SHANK2: variants seen among roughly 807,000 people sequenced by gnomAD.
SHANK2 encodes the protein SH3 and multiple ankyrin repeat domains protein 2.
A neutral mutation model predicts 133.7 loss-of-function variants in SHANK2; 43 were observed. The observed-to-expected ratio is 0.32, with a 90% CI of 0.25 to 0.41. SHANK2 has a LOEUF of 0.41. SHANK2 is among the 10% of genes least tolerant of loss of function. The probability of loss-of-function intolerance (pLI) is 1.00; values close to 1 mark genes in which losing one functional copy is unlikely to be tolerated. For synonymous variants in SHANK2, 1,017 were observed against 952.8 expected (o/e 1.07, Z -1.24); for missense variants, 1,994 against 2,235.8 (o/e 0.89, Z 2.18).
At chr11:71,163,867 A>T (rs1953081671) in intron 2 of SHANK2, among the ~76,000 whole-genome samples, 1 of 152,188 alleles carries the variant, frequency 6.6e-6, no homozygotes, top group African/African-American at 2.4e-5. Context: ...AAATATCTAT[A>T]CATGCGTGCT....
At chr11:71,110,395 G>A (rs771730160) in intron 5 of SHANK2, among the ~76,000 whole-genome samples, 3 of 152,124 alleles carry the variant, frequency 2.0e-5, no homozygotes, top group Non-Finnish European at 2.9e-5. Context: ...CCGAGATCGC[G>A]CCACTGCACT....
chr11:70,834,961 T>A (rs1325135122), intron 11 of SHANK2, among the ~76,000 whole-genome samples: 1 of 152,084 alleles, frequency 6.6e-6, no homozygotes, highest in African/African-American at 2.4e-5. Flanking sequence ...GACCCTGAAT[T>A]GAGCTTTAGG....
At chr11:70,814,038 G>A (rs1948334370) in intron 12 of SHANK2, among the ~76,000 whole-genome samples, 1 of 152,176 alleles carries the variant, frequency 6.6e-6, no homozygotes, top group African/African-American at 2.4e-5. Flanking sequence ...ACAGGTGAAA[G>A]TCAGGCTGGG....
intron 11 of SHANK2, among the ~76,000 whole-genome samples, chr11:70,889,269 TG>T (rs1436242539): frequency 6.6e-6 from 1 of 152,068 alleles, no homozygotes; most frequent in African/African-American, 2.4e-5. Context: ...AGGCGGAGGC[TG>T]GGGTGATGCA....
chr11:70,613,304 T>C (rs2060688285), intron 17 of SHANK2, among the ~76,000 whole-genome samples: 1 of 151,940 alleles, frequency 6.6e-6, no homozygotes, highest in African/African-American at 2.4e-5. Flanking sequence ...CCCAGGTTCA[T>C]GCCATTCTCC....
chr11:71,240,370 T>C (rs1954873469), intron 1 of SHANK2, among the ~76,000 whole-genome samples: 1 of 152,060 alleles, frequency 6.6e-6, no homozygotes, highest in African/African-American at 2.4e-5. Context: ...CAAGCTGTCC[T>C]AGTCCATCTT....
intron 3 of SHANK2, among the ~76,000 whole-genome samples, chr11:71,120,462 G>A (rs181713631): frequency 1.3e-4 from 20 of 152,294 alleles, no homozygotes; most frequent in African/African-American, 4.6e-4. Context: ...AAGACAGCCC[G>A]AGGGTAAGTT....
At chr11:70,867,232 A>G (rs1279606270) in intron 11 of SHANK2, among the ~76,000 whole-genome samples, 1 of 151,950 alleles carries the variant, frequency 6.6e-6, no homozygotes, top group Non-Finnish European at 1.5e-5. Flanking sequence ...GCTGTCTCCT[A>G]TCCGGGTAGG....
chr11:71,149,832 G>A (rs1290385602), intron 2 of SHANK2, among the ~76,000 whole-genome samples: 1 of 131,100 alleles, frequency 7.6e-6, no homozygotes, highest in African/African-American at 3.0e-5. Flanking sequence ...GGAAAGAAGG[G>A]AGGGAAGGAG....
chr11:71,173,981 G>A (rs557115564), intron 2 of SHANK2, among the ~76,000 whole-genome samples: 34 of 152,338 alleles, frequency 2.2e-4, no homozygotes, highest in African/African-American at 6.7e-4. Flanking sequence ...AGAACTGTGG[G>A]AGTAAGTTTC....
chr11:70,933,052 G>A, intron 10 of SHANK2: 1 of 446,804 alleles, frequency 2.2e-6, no homozygotes, highest in Non-Finnish European at 4.5e-6. Flanking sequence ...ACTCCAACAG[G>A]TATTTGCACA....
chr11:71,163,955 T>C (rs1471130679), intron 2 of SHANK2, among the ~76,000 whole-genome samples: 8 of 152,244 alleles, frequency 5.3e-5, no homozygotes, highest in African/African-American at 1.4e-4. Flanking sequence ...CAGCTGATAG[T>C]ACAGAGAGTT....
Position 70,480,027 on chromosome 11 carries a change from G to A in SHANK2, c.4979+5287C>T, listed in dbSNP as rs139825824. Among the ~76,000 whole-genome samples the A allele has an allele frequency of 2.2e-4, 33 of 152,282 alleles. No individual in the cohort carries two copies. In the East Asian group the frequency reaches 6.2e-3, roughly 29 times the overall value. ...CATTCACCTGATCACACAGCTGCCT[G>A]GGCCATCTTCAGGAAACAAAGTCTG... is the stretch of plus-strand genomic sequence containing the variant. On this transcript the variant is annotated intron_variant, in intron 25 of 25. Coordinates refer to ENST00000601538, the MANE Select transcript of SHANK2 (RefSeq NM_012309.5).
intron 10 of SHANK2, among the ~76,000 whole-genome samples, chr11:70,900,326 C>T (rs992204375): frequency 9.9e-5 from 15 of 151,630 alleles, no homozygotes; most frequent in Non-Finnish European, 1.6e-4. Context: ...TGCACTCCAG[C>T]TCGGTGACAC....
At chr11:70,799,640 G>A (rs192191198) in intron 13 of SHANK2, among the ~76,000 whole-genome samples, 1 of 152,200 alleles carries the variant, frequency 6.6e-6, no homozygotes, top group East Asian at 1.9e-4. Context: ...TTTCTGACTT[G>A]TGGTTGAAAG....
intron 14 of SHANK2, among the ~76,000 whole-genome samples, chr11:70,712,238 C>A (rs554278523): frequency 1.2e-4 from 19 of 152,220 alleles, no homozygotes; most frequent in African/African-American, 4.6e-4. Flanking sequence ...ACTCTCAGCC[C>A]TATGCCTCCT....
At chr11:71,224,183 C>T (rs149073377) in intron 2 of SHANK2, among the ~76,000 whole-genome samples, 30 of 152,314 alleles carry the variant, frequency 2.0e-4, no homozygotes, top group Non-Finnish European at 3.5e-4. Flanking sequence ...ACTTGGCAGA[C>T]GGGGCCTTTA....
At chr11:71,249,907 A>G (rs1948150054) in intron 1 of SHANK2, among the ~76,000 whole-genome samples, 1 of 152,110 alleles carries the variant, frequency 6.6e-6, no homozygotes, top group South Asian at 2.1e-4. Flanking sequence ...TCTGGGCAGC[A>G]CTCACATCTG....
chr11:70,747,217 G>A (rs1201526982), intron 14 of SHANK2, among the ~76,000 whole-genome samples: 1 of 151,982 alleles, frequency 6.6e-6, no homozygotes, highest in Non-Finnish European at 1.5e-5. Flanking sequence ...GGAAACCGGT[G>A]GCAGAGTTTG....
Sources: allele counts gnomAD v4.1 joint callset (sites outside exome capture counted in the v4.1 genomes callset), GRCh38; gene constraint gnomAD v4.1.1; transcripts MANE v1.5; gene names NCBI Gene and HGNC (gene_info 2026-07-23, HGNC 2026-07-21).